The following NMU variants were observed in gnomAD, a reference collection of about 807,000 sequenced individuals.
NMU encodes neuromedin U.
Under a neutral mutation model 35.4 loss-of-function variants are expected in NMU, and 29 were observed. That is an observed-to-expected ratio of 0.82 (90% confidence interval 0.61 to 1.12). The LOEUF (loss-of-function observed/expected upper bound fraction) is 1.12, where lower values mean the gene tolerates loss of function less well. NMU is among the 50% of genes most tolerant of loss of function. NMU has a pLI of 0.00. For synonymous variants in NMU, 78 were observed against 81.3 expected (o/e 0.96, Z 0.22); for missense variants, 199 against 206.2 (o/e 0.97, Z 0.21).
Position 55,636,086 on chromosome 4 carries a change from C to T in NMU, c.107G>A (p.Cys36Tyr). ...LLLLAWCAGA[C>Y]RGAPILPQGL... ...CGGGTGCGGGGCCGTCTTACCTCGG[C>T]AGGCGCCCGCGCACCAGGCGAGCAG... Residue 36 changes from cysteine to tyrosine, a missense_variant, in exon 1 of 10, where the codon TGC (cysteine) becomes TAC (tyrosine). Cys to Tyr is a radical substitution (Grantham distance 194). Transcript: ENST00000264218. The surrounding 1 kb of genome is among the most constrained non-coding windows in gnomAD (Gnocchi z 4.0). The T allele has an allele frequency of 6.5e-7, 1 of 1,531,078 alleles. No individual in the cohort carries two copies. Among genetic ancestry groups the T allele is most frequent in the Non-Finnish European group, 8.7e-7 (1 of 1,145,194 alleles). 94.8% of individuals were successfully genotyped at this position (1,531,078 alleles called of 1,614,324 possible). A position where few individuals can be genotyped will look rare whatever the true frequency, so the allele number is the denominator to read the frequency against.
At chr4:55,629,384 G>C (rs994714365) in intron 2 of NMU, among the ~76,000 whole-genome samples, 18 of 151,956 alleles carry the variant, frequency 1.2e-4, no homozygotes, top group African/African-American at 3.6e-4. Flanking sequence ...ACTTTGGGAG[G>C]CTGAGGTGGG....
intron 3 of NMU, among the ~76,000 whole-genome samples, chr4:55,612,298 G>A (rs778254400): frequency 5.3e-5 from 8 of 152,192 alleles, no homozygotes; most frequent in Non-Finnish European, 8.8e-5. Flanking sequence ...TATTCAGGAG[G>A]CTGAGGTGGG....
chr4:55,604,423 G>A (rs962571517), intron 7 of NMU, among the ~76,000 whole-genome samples: 9 of 151,544 alleles, frequency 5.9e-5, no homozygotes, highest in African/African-American at 1.7e-4. Flanking sequence ...TGTGTTAATG[G>A]GGTTACATTC....
intron 2 of NMU, among the ~76,000 whole-genome samples, chr4:55,625,577 G>A (rs1232225566): frequency 6.6e-6 from 1 of 151,998 alleles, no homozygotes; most frequent in African/African-American, 2.4e-5. Context: ...GGTGACCTAG[G>A]TACAAAGGGT....
intron 3 of NMU, among the ~76,000 whole-genome samples, chr4:55,611,061 T>C (rs934180151): frequency 5.8e-5 from 6 of 103,618 alleles, no homozygotes; most frequent in African/African-American, 2.0e-4. Context: ...AGAAAAAAGT[T>C]CTAAAATATT....
intron 2 of NMU, among the ~76,000 whole-genome samples, chr4:55,618,255 G>C (rs1734187088): frequency 1.3e-5 from 2 of 152,088 alleles, no homozygotes; most frequent in African/African-American, 4.8e-5. Context: ...AGAACGTGCA[G>C]GTTTGTTACA....
chr4:55,608,580 TA>T (rs1733799513), intron 4 of NMU, among the ~76,000 whole-genome samples: 1 of 152,224 alleles, frequency 6.6e-6, no homozygotes, highest in Non-Finnish European at 1.5e-5. Context: ...ATAGAGATTA[TA>T]AAATTAGGTA....
At chr4:55,634,302 T>C (rs1313199110) in intron 1 of NMU, among the ~76,000 whole-genome samples, 3 of 152,164 alleles carry the variant, frequency 2.0e-5, no homozygotes, top group Non-Finnish European at 4.4e-5. Flanking sequence ...TTAGTTTTTT[T>C]AGTATTCAGA....
intron 2 of NMU, among the ~76,000 whole-genome samples, chr4:55,629,349 G>A (rs181911325): frequency 9.2e-5 from 14 of 151,614 alleles, no homozygotes; most frequent in Admixed American, 6.6e-5. Context: ...GGTCGGGTGC[G>A]GTGGCTCCTG....
In NMU at chr4:55,616,393, A is replaced by T; in HGVS notation, c.172-8T>A. 1 of 1,608,114 alleles carries T rather than the reference A, an allele frequency of 6.2e-7. No homozygotes were observed. Among genetic ancestry groups the T allele is most frequent in the East Asian group, 2.2e-5 (1 of 44,830 alleles). On this transcript the variant is annotated splice_region_variant and splice_polypyrimidine_tract_variant and intron_variant, in intron 2 of 9. Coordinates refer to ENST00000264218, the MANE Select transcript of NMU (RefSeq NM_006681.4). ...CGAACAAGTATCATCTATCTGTAGA[A>T]AACAAAAATGTCAGTTACATCCTGG...
chr4:55,632,026 G>A (rs902783877), intron 1 of NMU, among the ~76,000 whole-genome samples: 2 of 152,206 alleles, frequency 1.3e-5, no homozygotes, highest in Non-Finnish European at 2.9e-5. Flanking sequence ...CAACTTGGAT[G>A]GAGCCAGAGG....
intron 2 of NMU, among the ~76,000 whole-genome samples, chr4:55,622,014 G>A (rs1734368354): frequency 1.9e-5 from 2 of 105,350 alleles, no homozygotes; most frequent in South Asian, 8.8e-4. Flanking sequence ...CACATTCAAA[G>A]CAGTGTGTAG....
At position 55,603,925 on chromosome 4, in the gene NMU, AAATATAT is replaced by A. The variant is rs1443297713; in HGVS notation, c.435+1343_435+1349del. Among the ~76,000 whole-genome samples, 61 of 70,554 alleles carry A rather than the reference AAATATAT, an allele frequency of 8.6e-4. 4 individuals are homozygous for A. The highest frequency in any genetic ancestry group is 9.7e-4 in the Non-Finnish European group (38 of 39,342). The allele number at this position is 70,554 out of a possible 152,430, so 46.3% of individuals were successfully genotyped here. ...AGAGTCCGTCTCAAAAAAAAAAAAA[AAATATAT>A]ATATATATATATATGTATATATGTG... On this transcript the variant is annotated intron_variant, in intron 7 of 9. Transcript: ENST00000264218.
intron 2 of NMU, among the ~76,000 whole-genome samples, chr4:55,619,220 A>G (rs1302469651): frequency 6.6e-6 from 1 of 151,148 alleles, no homozygotes; most frequent in Non-Finnish European, 1.5e-5. Flanking sequence ...GCGACGCAGA[A>G]GACGGGTGAT....
chr4:55,619,570 C>T (rs552039353), intron 2 of NMU, among the ~76,000 whole-genome samples: 454 of 140,678 alleles, frequency 3.2e-3, no homozygotes, highest in Non-Finnish European at 5.8e-3. Flanking sequence ...AACTGCAAGG[C>T]GGCAGCGAGG....
chr4:55,628,162 T>C (rs1001134877), intron 2 of NMU, among the ~76,000 whole-genome samples: 2 of 152,194 alleles, frequency 1.3e-5, no homozygotes, highest in African/African-American at 4.8e-5. Flanking sequence ...ATCCATACTT[T>C]CTTTTTAACA....
At chr4:55,596,511 G>A (rs1299585620) in intron 9 of NMU, among the ~76,000 whole-genome samples, 2 of 151,672 alleles carry the variant, frequency 1.3e-5, no homozygotes, top group Non-Finnish European at 2.9e-5. Flanking sequence ...AAATGCCAAT[G>A]TACATTTATA....
In NMU at chr4:55,630,439, C is replaced by A. The variant is rs1365299059; in HGVS notation, c.134G>T (p.Gly45Val). 6.2e-7 allele frequency: 1 copy of A among 1,612,276 alleles called. No individual in the cohort carries two copies. Among genetic ancestry groups the A allele is most frequent in the Non-Finnish European group, 8.5e-7 (1 of 1,178,818 alleles). Residue 45 changes from glycine (G) to valine (V), a missense_variant, in exon 2 of 10, where the codon GGA (glycine) becomes GTA (valine). Transcript: ENST00000264218. ...ACRGAPILPQGLQPEQQLQLW... is the reference protein window; with the variant it reads ...ACRGAPILPQVLQPEQQLQLW... ...CTGTAGCTGTTGTTCAGGCTGTAAT[C>A]CTTGAGGTAATATTGGAGCACCTAA...
chr4:55,613,621 A>C (rs1734015749), intron 3 of NMU, among the ~76,000 whole-genome samples: 1 of 152,144 alleles, frequency 6.6e-6, no homozygotes, highest in Non-Finnish European at 1.5e-5. Context: ...CCCTGTATCC[A>C]TTGCCTTTAT....
Sources: allele counts gnomAD v4.1 joint callset (sites outside exome capture counted in the v4.1 genomes callset), GRCh38; gene constraint gnomAD v4.1.1; non-coding constraint Gnocchi (gnomAD v3.1); transcripts MANE v1.5; gene names NCBI Gene and HGNC (gene_info 2026-07-23, HGNC 2026-07-21).